EXOC6: variants seen among roughly 807,000 people sequenced by gnomAD.
The protein encoded by EXOC6 is SEC15-like 1.
Under a neutral mutation model 112.5 loss-of-function variants are expected in EXOC6, and 60 were observed. That is an observed-to-expected ratio of 0.53 (90% CI 0.43 to 0.66). The LOEUF is 0.66. Ranked by LOEUF, EXOC6 falls within the 30% of genes least tolerant of loss-of-function variation. The probability of loss-of-function intolerance (pLI) is 0.00; values close to 1 mark genes in which losing one functional copy is unlikely to be tolerated. For missense variants in EXOC6, 855 were observed against 957.1 expected (o/e 0.89, Z 1.41); for synonymous variants, 295 against 308.0 (o/e 0.96, Z 0.44).
At chr10:92,917,532 TC>T (rs1251383612) in intron 7 of EXOC6, among the ~76,000 whole-genome samples, 2 of 124,806 alleles carry the variant, frequency 1.6e-5, no homozygotes, top group South Asian at 2.4e-4. Flanking sequence ...TTTTTTTCTT[TC>T]TTTTTTTTTT....
chr10:92,851,946 T>C (rs1847368121), intron 1 of EXOC6, among the ~76,000 whole-genome samples: 1 of 152,090 alleles, frequency 6.6e-6, no homozygotes, highest in Non-Finnish European at 1.5e-5. Flanking sequence ...TGTGTGCCTG[T>C]GGTCCCAGCT....
At chr10:92,899,731 A>T in intron 5 of EXOC6, 87 bp downstream of exon 5, 1 of 1,020,364 alleles carries the variant, frequency 9.8e-7, no homozygotes, top group Non-Finnish European at 1.5e-6. Flanking sequence ...ATCATAGTGA[A>T]TCATGAGTTT....
At chr10:92,878,734 G>T (rs4508117) in intron 1 of EXOC6, among the ~76,000 whole-genome samples, 68,287 of 151,968 alleles carry the variant, frequency 0.45, 16,119 homozygotes, top group African/African-American at 0.58. Flanking sequence ...GCCCTCTCCT[G>T]CCCTGCCCAT....
intron 1 of EXOC6, among the ~76,000 whole-genome samples, chr10:92,864,779 A>G (rs1015181348): frequency 1.3e-5 from 2 of 152,028 alleles, no homozygotes; most frequent in Non-Finnish European, 2.9e-5. Flanking sequence ...TGGGGCTTAC[A>G]CGAGCAGCCC....
chr10:92,943,889 G>T (rs1034850511), intron 13 of EXOC6, among the ~76,000 whole-genome samples: 1 of 152,084 alleles, frequency 6.6e-6, no homozygotes, highest in Non-Finnish European at 1.5e-5. Flanking sequence ...CCCTGCCTAC[G>T]CCACTTTCTG....
At chr10:92,925,157 T>C (rs1851644976) in intron 8 of EXOC6, among the ~76,000 whole-genome samples, 1 of 152,212 alleles carries the variant, frequency 6.6e-6, no homozygotes, top group African/African-American at 2.4e-5. Flanking sequence ...AGTTGTATAT[T>C]ACATTGCATT....
chr10:92,938,104 G>T (rs903442432), intron 12 of EXOC6, among the ~76,000 whole-genome samples: 10 of 152,062 alleles, frequency 6.6e-5, no homozygotes, highest in Admixed American at 6.6e-5. Flanking sequence ...TATTGGACTG[G>T]ACTTTGAGTA....
chr10:92,877,315 C>T (rs1367655485), intron 1 of EXOC6, among the ~76,000 whole-genome samples: 3 of 151,854 alleles, frequency 2.0e-5, no homozygotes, highest in African/African-American at 7.3e-5. Flanking sequence ...CTGTAATATC[C>T]TTCAGCATTC....
chr10:92,842,764 A>G (rs1846904493), intron 1 of EXOC6, among the ~76,000 whole-genome samples: 1 of 152,078 alleles, frequency 6.6e-6, no homozygotes, highest in Admixed American at 6.6e-5. Flanking sequence ...CTCAGAGAAA[A>G]TGATATTGTT....
chr10:92,934,546 G>A lies in EXOC6; in HGVS notation c.1140+116G>A, dbSNP rs1368135305. 6.8e-6 allele frequency: 6 copies of A among 879,192 alleles called. No homozygotes were observed. The East Asian group carries it at 1.8e-4, about 26-fold the overall frequency. The allele number at this position is 879,192 out of a possible 1,614,324, so 54.5% of individuals were successfully genotyped here. ...ATCATTCTGCATTTTTTTAGTAGTT[G>A]CTTAGATTTGGAAGTAGTAATGTCA... On this transcript the variant is annotated intron_variant, in intron 11 of 21. Coordinates refer to ENST00000260762, the MANE Select transcript of EXOC6 (RefSeq NM_019053.6).
Position 92,887,856 on chromosome 10 carries a change from C to A in EXOC6, c.102-5493C>A, listed in dbSNP as rs531223838. 3.3e-5 allele frequency among the ~76,000 whole-genome samples: 5 copies of A among 152,298 alleles called. No individual in the cohort carries two copies. The East Asian group carries it at 7.7e-4, about 23-fold the overall frequency. ...TGATTCTGGCACTTGCCTGATTCTT[C>A]AGTACATTCTTTAAATGCAATTTAT... On this transcript the variant is annotated intron_variant, in intron 1 of 21. Transcript: ENST00000260762.
At chr10:92,834,798 C>G in exon 1 of EXOC6, 1 of 1,610,146 alleles carries the variant, frequency 6.2e-7, no homozygotes, top group Non-Finnish European at 8.5e-7. Context: ...TTCAGTCTTT[C>G]GAACTGCCTG....
intron 20 of EXOC6, among the ~76,000 whole-genome samples, chr10:93,034,656 T>G (rs1845429239): frequency 6.6e-6 from 1 of 152,226 alleles, no homozygotes; most frequent in African/African-American, 2.4e-5. Flanking sequence ...AATTTCTGTC[T>G]TCTGTTTCTA....
intron 20 of EXOC6, among the ~76,000 whole-genome samples, chr10:93,035,291 T>C (rs1415530786): frequency 3.3e-5 from 5 of 152,246 alleles, no homozygotes; most frequent in Non-Finnish European, 7.4e-5. Flanking sequence ...GCTATCGATA[T>C]GAACTTTGAA....
upstream of EXOC6, among the ~76,000 whole-genome samples, chr10:92,831,010 G>T (rs1846465542): frequency 6.6e-6 from 1 of 152,198 alleles, no homozygotes; most frequent in Non-Finnish European, 1.5e-5. Flanking sequence ...CTTTTGGGAG[G>T]AGAGCCTCTC....
At position 92,986,921 on chromosome 10, in the gene EXOC6, C is replaced by T. The variant is rs139896885; in HGVS notation, c.1954-10553C>T. Among the ~76,000 whole-genome samples, 501 of 151,908 alleles carry T rather than the reference C, an allele frequency of 3.3e-3. 3 individuals are homozygous for T. Among genetic ancestry groups the T allele is most frequent in the African/African-American group, 0.011 (476 of 41,468 alleles). On this transcript the variant is annotated intron_variant, in intron 18 of 21. Coordinates refer to ENST00000260762, the MANE Select transcript of EXOC6 (RefSeq NM_019053.6). ...ATTGAGACCAGTGATTTAGTTTTTA[C>T]TTTGACTTGCTATTCACTCCTTAGG... is the stretch of plus-strand genomic sequence containing the variant.
rs1345665027 is a variant in EXOC6, at chr10:92,980,004, C to G, written c.1953+5772C>G. Reference sequence around the variant, plus strand: ...GCTGAGAAGGCAGCCTCTCTTCTGGCTACAGGAATTAACAGCAAGCTAAAT... The same window carrying G: ...GCTGAGAAGGCAGCCTCTCTTCTGGGTACAGGAATTAACAGCAAGCTAAAT... On this transcript the variant is annotated intron_variant, in intron 18 of 21. Transcript: ENST00000260762. Among the ~76,000 whole-genome samples the G allele has an allele frequency of 4.0e-5, 6 of 151,874 alleles. 1 individual carries two copies. Among genetic ancestry groups the G allele is most frequent in the Non-Finnish European group, 7.4e-5 (5 of 67,998 alleles).
chr10:92,832,718 A>C (rs959206536), upstream of EXOC6, among the ~76,000 whole-genome samples: 9 of 146,568 alleles, frequency 6.1e-5, no homozygotes, highest in African/African-American at 2.0e-4. Flanking sequence ...GCTGGAGTTC[A>C]GTGGCCCGAT....
intron 17 of EXOC6, among the ~76,000 whole-genome samples, chr10:92,960,327 A>G (rs1853916456): frequency 6.6e-6 from 1 of 152,202 alleles, no homozygotes; most frequent in African/African-American, 2.4e-5. Context: ...AGGCAATAAA[A>G]AAATTAATGG....
Sources: allele counts gnomAD v4.1 joint callset (sites outside exome capture counted in the v4.1 genomes callset), GRCh38; gene constraint gnomAD v4.1.1; transcripts MANE v1.5; gene names NCBI Gene and HGNC (gene_info 2026-07-23, HGNC 2026-07-21).